Variants in DTD1 observed in about 807,000 individuals in gnomAD.
DTD1 encodes D-aminoacyl-tRNA deacylase 1.
Under a neutral mutation model 25.6 loss-of-function variants are expected in DTD1, and 13 were observed. The observed-to-expected ratio is 0.51, with a 90% CI of 0.33 to 0.81. The LOEUF (loss-of-function observed/expected upper bound fraction) is 0.81, where lower values mean the gene tolerates loss of function less well. Among genes scored for constraint, DTD1 ranks in the 30% least tolerant of loss-of-function variants. The probability of loss-of-function intolerance (pLI) is 0.02; values close to 1 mark genes in which losing one functional copy is unlikely to be tolerated. For missense variants in DTD1, 193 were observed against 266.4 expected (o/e 0.72, Z 1.92); for synonymous variants, 110 against 103.6 (o/e 1.06, Z -0.37).
chr20:18,639,037 G>A (rs2060818953), intron 4 of DTD1, among the ~76,000 whole-genome samples: 1 of 152,116 alleles, frequency 6.6e-6, no homozygotes, highest in South Asian at 2.1e-4. Context: ...AGGCCAGCAT[G>A]GTGGAGGGAT....
chr20:18,726,779 G>A (rs537327131), intron 4 of DTD1, among the ~76,000 whole-genome samples: 7 of 152,232 alleles, frequency 4.6e-5, no homozygotes, highest in East Asian at 1.9e-4. Context: ...GCTCTTCCCC[G>A]TTATGGTAAT....
intron 3 of DTD1, among the ~76,000 whole-genome samples, chr20:18,613,230 G>C (rs966952324): frequency 1.3e-5 from 2 of 152,212 alleles, no homozygotes; most frequent in African/African-American, 4.8e-5. Context: ...CAGCCCTTGT[G>C]CTAGGCTCTG....
chr20:18,699,304 C>G (rs2061092989), intron 4 of DTD1, among the ~76,000 whole-genome samples: 1 of 152,132 alleles, frequency 6.6e-6, no homozygotes, highest in Non-Finnish European at 1.5e-5. Context: ...CACCTTGAGT[C>G]TCTGTGCAGG....
rs2061378754 is a variant in DTD1 at position 18,766,357 on chromosome 20, T to C, written c.*3017T>C. 6.6e-6 allele frequency: 1 copy of C among 152,206 alleles called. No homozygotes were observed. Among genetic ancestry groups the C allele is most frequent in the Non-Finnish European group, 1.5e-5 (1 of 68,034 alleles). The allele number at this position is 152,206 out of a possible 1,614,324, so 9.4% of individuals were successfully genotyped here. A position where few individuals can be genotyped will look rare whatever the true frequency, so the allele number is the denominator to read the frequency against. ...GAATTCTTAATTTGTTGTTCGTTAT[T>C]GATTCAGGTCCTTTAAAAATAGAGT... On this transcript the variant is annotated 3_prime_UTR_variant, in exon 6 of 6. Transcript: ENST00000377452.
intron 4 of DTD1, among the ~76,000 whole-genome samples, chr20:18,720,689 A>AT (rs1351581542): frequency 6.6e-6 from 1 of 151,718 alleles, no homozygotes; most frequent in Non-Finnish European, 1.5e-5. Context: ...ATCCCTCTCT[A>AT]CAAAAAAAAC....
chr20:18,628,099 T>C (rs375449236), intron 3 of DTD1, 28 bp from the exon 4 acceptor site: 1 of 1,596,014 alleles, frequency 6.3e-7, no homozygotes, highest in Admixed American at 1.7e-5. Flanking sequence ...GTCTCCATCT[T>C]TGGTAACTGT....
intron 1 of DTD1, among the ~76,000 whole-genome samples, chr20:18,588,398 C>T (rs761670811): frequency 2.6e-5 from 4 of 152,182 alleles, no homozygotes; most frequent in Non-Finnish European, 5.9e-5. Flanking sequence ...ATTCTCAGCA[C>T]CTTTGTCCTG....
chr20:18,634,291 G>T (rs530408955), intron 4 of DTD1, among the ~76,000 whole-genome samples: 37 of 152,280 alleles, frequency 2.4e-4, no homozygotes, highest in Admixed American at 2.2e-3. Context: ...ATGGATTGGG[G>T]GGCAGATGGA....
chr20:18,706,417 A>T (rs1568675819), intron 4 of DTD1, among the ~76,000 whole-genome samples: 1 of 152,202 alleles, frequency 6.6e-6, no homozygotes, highest in South Asian at 2.1e-4. Flanking sequence ...GTTGCTTTAG[A>T]CTTTCTTCTT....
chr20:18,655,479 T>G (rs1014081331), intron 4 of DTD1, among the ~76,000 whole-genome samples: 1 of 152,234 alleles, frequency 6.6e-6, no homozygotes, highest in East Asian at 1.9e-4. Context: ...AAACTTTGTA[T>G]TATAGAAAAC....
intron 2 of DTD1, among the ~76,000 whole-genome samples, chr20:18,594,431 G>A (rs2060602089): frequency 6.6e-6 from 1 of 152,146 alleles, no homozygotes; most frequent in Admixed American, 6.5e-5. Flanking sequence ...AGGTGTCTTA[G>A]CCAAGGCAGC....
intron 4 of DTD1, among the ~76,000 whole-genome samples, chr20:18,722,562 C>T (rs2061208347): frequency 6.6e-6 from 1 of 152,150 alleles, no homozygotes; most frequent in Non-Finnish European, 1.5e-5. Flanking sequence ...GTTCATTTGG[C>T]TTAGATGGAA....
At chr20:18,685,405 G>GT in intron 4 of DTD1, among the ~76,000 whole-genome samples, 2 of 152,192 alleles carry the variant, frequency 1.3e-5, no homozygotes, top group Non-Finnish European at 2.9e-5. Flanking sequence ...TGCACATGAC[G>GT]GGTGTATGTG....
intron 5 of DTD1, among the ~76,000 whole-genome samples, chr20:18,757,575 T>C (rs1233418053): frequency 6.6e-6 from 1 of 152,260 alleles, no homozygotes; most frequent in Non-Finnish European, 1.5e-5. Context: ...GGATTATGTT[T>C]ACTGATTTGC....
At chr20:18,755,781 T>C (rs1450482615) in intron 5 of DTD1, among the ~76,000 whole-genome samples, 1 of 152,198 alleles carries the variant, frequency 6.6e-6, no homozygotes, top group Admixed American at 6.5e-5. Flanking sequence ...TTTGGGTATA[T>C]ACCCAGTAAT....
chr20:18,644,768 T>C (rs1365707850), intron 4 of DTD1, among the ~76,000 whole-genome samples: 1 of 152,136 alleles, frequency 6.6e-6, no homozygotes, highest in Admixed American at 6.5e-5. Context: ...GATAAATCAG[T>C]TCCATACTGA....
intron 5 of DTD1, among the ~76,000 whole-genome samples, chr20:18,747,051 G>A (rs1473679543): frequency 6.6e-6 from 1 of 152,188 alleles, no homozygotes; most frequent in Admixed American, 6.5e-5. Flanking sequence ...ATTCACTTTT[G>A]TTAGTGGTCA....
intron 4 of DTD1, chr20:18,632,130 A>C (rs977078619): frequency 3.7e-5 from 36 of 979,874 alleles, no homozygotes; most frequent in Admixed American, 1.8e-4. Flanking sequence ...AGATCAGAGC[A>C]TCATGCTGTA....
At chr20:18,643,403 C>T (rs776092554) in intron 4 of DTD1, 19 of 226,876 alleles carry the variant, frequency 8.4e-5, no homozygotes, top group Non-Finnish European at 1.8e-4. Flanking sequence ...CTGATCTTTC[C>T]TGGAATCTGT....
Sources: allele counts gnomAD v4.1 joint callset (sites outside exome capture counted in the v4.1 genomes callset), GRCh38; gene constraint gnomAD v4.1.1; transcripts MANE v1.5; gene names NCBI Gene and HGNC (gene_info 2026-07-23, HGNC 2026-07-21).